Variants in RIMS2 observed in about 807,000 individuals in gnomAD.
RIMS2 encodes regulating synaptic membrane exocytosis protein 2.
RIMS2 carries 59 observed loss-of-function variants against 174.4 expected under a neutral mutation model. The ratio of observed to expected loss-of-function variants is 0.34; its 90% confidence interval spans 0.27 to 0.42. The LOEUF is 0.42. RIMS2 is among the 10% of genes least tolerant of loss of function. The pLI is 1.00. For synonymous variants in RIMS2, 606 were observed against 572.5 expected, an observed-to-expected ratio of 1.06 and a Z score of -0.84; for missense variants, 1,620 against 1,666.3, an observed-to-expected ratio of 0.97 and a Z score of 0.48.
chr8:104,131,893 A>G (rs1006776891), intron 19 of RIMS2, among the ~76,000 whole-genome samples: 1 of 152,188 alleles, frequency 6.6e-6, no homozygotes, highest in Non-Finnish European at 1.5e-5. Context: ...ATTTAATAAT[A>G]CAAGCACTAT....
chr8:103,887,929 T>C (rs997566511), intron 4 of RIMS2, among the ~76,000 whole-genome samples: 4 of 151,566 alleles, frequency 2.6e-5, no homozygotes, highest in Admixed American at 1.3e-4. Flanking sequence ...AGATGCAAGC[T>C]CTTTGCAGAT....
At chr8:103,566,933 A>G (rs2132184052) in intron 1 of RIMS2, among the ~76,000 whole-genome samples, 1 of 152,294 alleles carries the variant, frequency 6.6e-6, no homozygotes, top group East Asian at 1.9e-4. Context: ...GTCTAATTTT[A>G]GAACATTTTG....
At chr8:104,078,569 G>A (rs1028391039) in intron 19 of RIMS2, among the ~76,000 whole-genome samples, 6 of 152,122 alleles carry the variant, frequency 3.9e-5, no homozygotes, top group East Asian at 1.9e-4. Context: ...AAGCTCTAGC[G>A]TCAAGTACAG....
intron 1 of RIMS2, among the ~76,000 whole-genome samples, chr8:103,502,082 C>T (rs1402529727): frequency 6.6e-6 from 1 of 152,172 alleles, no homozygotes; most frequent in Non-Finnish European, 1.5e-5. Flanking sequence ...TTATGTTTTT[C>T]CAGCTTGGCT....
At chr8:104,209,999 T>G (rs1336506554) in intron 19 of RIMS2, among the ~76,000 whole-genome samples, 1 of 151,834 alleles carries the variant, frequency 6.6e-6, no homozygotes, top group Non-Finnish European at 1.5e-5. Flanking sequence ...TACCAAAGAA[T>G]GAAAGAGAAA....
At chr8:103,641,343 A>G (rs1171765772) in intron 1 of RIMS2, among the ~76,000 whole-genome samples, 1 of 152,158 alleles carries the variant, frequency 6.6e-6, no homozygotes, top group African/African-American at 2.4e-5. Context: ...TGGGATGCTC[A>G]TCACCTTAAA....
chr8:103,751,452 G>T (rs571665337), intron 2 of RIMS2, among the ~76,000 whole-genome samples: 2 of 151,680 alleles, frequency 1.3e-5, no homozygotes, highest in African/African-American at 2.4e-5. Flanking sequence ...AATCCTTTGG[G>T]TATATACCCA....
intron 1 of RIMS2, among the ~76,000 whole-genome samples, chr8:103,604,381 ATGCTGTTTT>A (rs1289246727): frequency 6.6e-6 from 1 of 152,096 alleles, no homozygotes; most frequent in Admixed American, 6.5e-5. Context: ...TACCAGTACC[ATGCTGTTTT>A]GGTTACTATA....
chr8:103,624,518 T>C (rs927740217), intron 1 of RIMS2, among the ~76,000 whole-genome samples: 4 of 152,126 alleles, frequency 2.6e-5, no homozygotes, highest in African/African-American at 9.7e-5. Flanking sequence ...CTAATAACTC[T>C]CCCTTTATAT....
chr8:103,907,337 T>C (rs971645146), intron 4 of RIMS2, among the ~76,000 whole-genome samples: 1 of 152,218 alleles, frequency 6.6e-6, no homozygotes, highest in African/African-American at 2.4e-5. Flanking sequence ...GGTTTTAATT[T>C]TCATCATTCT....
At chr8:104,196,593 A>G (rs1392539282) in intron 19 of RIMS2, among the ~76,000 whole-genome samples, 1 of 152,124 alleles carries the variant, frequency 6.6e-6, no homozygotes, top group Non-Finnish European at 1.5e-5. Flanking sequence ...ACCATTTTAT[A>G]ATTTCTAGAA....
chr8:104,155,551 T>C (rs1282805627), intron 19 of RIMS2, among the ~76,000 whole-genome samples: 1 of 145,250 alleles, frequency 6.9e-6, no homozygotes. Context: ...GTAGCTGGGA[T>C]TACAGGCGCC....
intron 1 of RIMS2, among the ~76,000 whole-genome samples, chr8:103,516,878 G>T (rs1829271233): frequency 6.6e-6 from 1 of 152,074 alleles, no homozygotes; most frequent in Non-Finnish European, 1.5e-5. Flanking sequence ...CTCTCTAAAA[G>T]AATTTAAAAA....
At chr8:103,660,866 T>C (rs952168140) in intron 1 of RIMS2, among the ~76,000 whole-genome samples, 1 of 152,182 alleles carries the variant, frequency 6.6e-6, no homozygotes, top group Non-Finnish European at 1.5e-5. Flanking sequence ...AAAGTACTTA[T>C]TGCTAAGTAA....
At chr8:103,933,309 A>T (rs2080429740) in intron 12 of RIMS2, among the ~76,000 whole-genome samples, 1 of 98,766 alleles carries the variant, frequency 1.0e-5, no homozygotes, top group Non-Finnish European at 2.3e-5. Flanking sequence ...ACACACACAC[A>T]CACACACACA....
chr8:104,021,738 A>G (rs1370485754), intron 19 of RIMS2, among the ~76,000 whole-genome samples: 1 of 152,178 alleles, frequency 6.6e-6, no homozygotes, highest in Admixed American at 6.6e-5. Context: ...TTGCATGTGC[A>G]ATTACCATGA....
chr8:103,932,234 A>T (rs2080121087), intron 12 of RIMS2, among the ~76,000 whole-genome samples: 2 of 152,164 alleles, frequency 1.3e-5, no homozygotes, highest in Non-Finnish European at 2.9e-5. Flanking sequence ...TGTGATGTTA[A>T]ATATGTTTAT....
At chr8:104,041,009 A>G (rs1193736285) in intron 19 of RIMS2, among the ~76,000 whole-genome samples, 1 of 151,702 alleles carries the variant, frequency 6.6e-6, no homozygotes, top group Non-Finnish European at 1.5e-5. Flanking sequence ...TGTTTTTACT[A>G]ATGGTATCTT....
chr8:103,944,458 A>C (rs2083250428), intron 14 of RIMS2, among the ~76,000 whole-genome samples: 1 of 152,050 alleles, frequency 6.6e-6, no homozygotes, highest in Non-Finnish European at 1.5e-5. Context: ...ACTTGCCAGC[A>C]TCTTCTTTTC....
Sources: gnomAD v4.1 joint callset for allele counts (sites outside exome capture counted in the v4.1 genomes callset) on GRCh38, gnomAD v4.1.1 for gene constraint, MANE v1.5 for transcripts, NCBI Gene and HGNC (gene_info 2026-07-23, HGNC 2026-07-21) for gene names.